Variants in COL4A4 observed in about 807,000 individuals in gnomAD.
The protein encoded by COL4A4 is collagen alpha-4(IV) chain.
COL4A4 carries 105 observed loss-of-function variants against 192.9 expected under a neutral mutation model. That is an observed-to-expected ratio of 0.54 (90% CI 0.46 to 0.64). The LOEUF is 0.64. Ranked by LOEUF, COL4A4 falls within the 30% of genes least tolerant of loss-of-function variation. The pLI is 0.00. For missense variants in COL4A4, 1,967 were observed against 2,169.3 expected, an observed-to-expected ratio of 0.91 and a Z score of 1.85; for synonymous variants, 762 against 769.9, an observed-to-expected ratio of 0.99 and a Z score of 0.17.
rs1335987800 is a variant in COL4A4 at position 227,098,794 on chromosome 2, T to C, written c.1104A>G (p.Pro368=). 1 of 1,613,052 alleles carries C rather than the reference T, an allele frequency of 6.2e-7. No homozygotes were observed. The highest frequency in any genetic ancestry group is 1.7e-5 in the Admixed American group (1 of 60,002). ...GGCCAGGGAACCCTGGGTCCCCTGG[T>C]GGGCCTGCCAAAGATAATGGTACAT... ...LVTPPLPLKG[P]PGDPGFPGRY... Residue 368 remains proline, a synonymous_variant, in exon 19 of 48, where the codon CCA becomes CCG. Coordinates refer to ENST00000396625, the MANE Select transcript of COL4A4 (RefSeq NM_000092.5).
chr2:227,113,101 A>G (rs1379691868), intron 8 of COL4A4, among the ~76,000 whole-genome samples: 1 of 152,212 alleles, frequency 6.6e-6, no homozygotes, highest in Non-Finnish European at 1.5e-5. Context: ...TGGATCATAT[A>G]GTAATTCTAT....
At chr2:227,067,845 G>C (rs1019049303) in intron 25 of COL4A4, among the ~76,000 whole-genome samples, 8 of 148,740 alleles carry the variant, frequency 5.4e-5, no homozygotes, top group African/African-American at 1.7e-4. Flanking sequence ...AAAGCTAGCA[G>C]AAGGCAAGAA....
At chr2:227,102,362 G>T (rs756512459) in intron 15 of COL4A4, among the ~76,000 whole-genome samples, 1 of 152,174 alleles carries the variant, frequency 6.6e-6, no homozygotes, top group Admixed American at 6.5e-5. Context: ...TGCCAGCTGC[G>T]GTCTGGCCTC....
intron 22 of COL4A4, among the ~76,000 whole-genome samples, chr2:227,088,101 G>A (rs527963388): frequency 1.1e-3 from 174 of 152,330 alleles, no homozygotes; most frequent in Non-Finnish European, 2.3e-3. Context: ...CCAATTAGTT[G>A]AATAAGTAAA....
At chr2:227,086,324 C>T (rs1272252202) in intron 22 of COL4A4, among the ~76,000 whole-genome samples, 8 of 152,136 alleles carry the variant, frequency 5.3e-5, no homozygotes, top group Admixed American at 3.9e-4. Flanking sequence ...CCCCCAAGAG[C>T]GAGAGCACCC....
chr2:227,001,512 G>A (rs909704703), downstream of COL4A4, among the ~76,000 whole-genome samples: 9 of 152,210 alleles, frequency 5.9e-5, no homozygotes, highest in African/African-American at 1.9e-4. Context: ...GGGCTTTGCA[G>A]TGACAGGAGC....
At chr2:227,108,966 C>T (rs1280328898) in intron 10 of COL4A4, 98 bp from the exon 11 acceptor site, 13 of 1,227,218 alleles carry the variant, frequency 1.1e-5, no homozygotes, top group East Asian at 2.3e-5. Flanking sequence ...ATTTAGGAAA[C>T]CCTTAATTTT....
the COL4A4 span, among the ~76,000 whole-genome samples, chr2:226,993,430 CTT>C: frequency 6.6e-6 from 1 of 152,144 alleles, no homozygotes; most frequent in Non-Finnish European, 1.5e-5. Context: ...TAAGACCAGT[CTT>C]TTTAAAAACA....
intron 37 of COL4A4, among the ~76,000 whole-genome samples, chr2:227,034,780 T>C (rs1041692647): frequency 2.3e-5 from 3 of 133,134 alleles, no homozygotes; most frequent in African/African-American, 8.5e-5. Context: ...TGTGTTCTCA[T>C]TGTTCAATTC....
chr2:227,122,870 A>AT (rs1388580918), intron 4 of COL4A4, among the ~76,000 whole-genome samples: 11 of 150,928 alleles, frequency 7.3e-5, no homozygotes, highest in African/African-American at 2.7e-4. Context: ...ATTTATTATT[A>AT]TTATTTTTTT....
At chr2:227,051,726 G>T (rs1974146645) in intron 32 of COL4A4, among the ~76,000 whole-genome samples, 1 of 152,100 alleles carries the variant, frequency 6.6e-6, no homozygotes, top group South Asian at 2.1e-4. Context: ...CAGTCATTGC[G>T]CTATTCACTT....
intron 47 of COL4A4, 32 bp downstream of exon 47, chr2:227,007,986 T>C (rs774839933): frequency 3.1e-5 from 49 of 1,602,830 alleles, no homozygotes; most frequent in Non-Finnish European, 4.1e-5. Flanking sequence ...AAATGGTGAA[T>C]GAGCCAGGGT....
the COL4A4 span, among the ~76,000 whole-genome samples, chr2:226,979,102 A>T: frequency 6.6e-6 from 1 of 152,142 alleles, no homozygotes; most frequent in African/African-American, 2.4e-5. Context: ...GCTCATTCCC[A>T]GTCCAAAAGC....
chr2:226,992,413 G>A, the COL4A4 span, among the ~76,000 whole-genome samples: 1 of 152,242 alleles, frequency 6.6e-6, no homozygotes, highest in African/African-American at 2.4e-5. Flanking sequence ...ATTCTTCAGA[G>A]AGTAAGATGG....
intron 2 of COL4A4, among the ~76,000 whole-genome samples, chr2:227,144,836 G>A (rs562975832): frequency 1.3e-5 from 2 of 152,206 alleles, no homozygotes; most frequent in Admixed American, 6.5e-5. Context: ...AGTGAGACCT[G>A]GAGGGACAGA....
At chr2:227,125,732 T>C (rs1281862376) in intron 4 of COL4A4, among the ~76,000 whole-genome samples, 1 of 152,110 alleles carries the variant, frequency 6.6e-6, no homozygotes, top group Non-Finnish European at 1.5e-5. Context: ...CTGATTCATC[T>C]CTCAAGGCTG....
intron 8 of COL4A4, among the ~76,000 whole-genome samples, chr2:227,113,640 TG>T (rs1259581592): frequency 1.3e-5 from 2 of 152,216 alleles, no homozygotes; most frequent in African/African-American, 4.8e-5. Flanking sequence ...TACACCATCC[TG>T]GTTCCTAGAA....
In COL4A4 at chr2:227,088,009, G is replaced by A. The variant is rs184293356; in HGVS notation, c.1623+644C>T. On this transcript the variant is annotated intron_variant, in intron 22 of 47. Transcript: ENST00000396625. ...GTCTGTGTCCTCTCTGAAGCTCTAG[G>A]AGGGCAGAGACTGGGCTCTGGTCCC... is the stretch of plus-strand genomic sequence containing the variant. 5.3e-5 allele frequency among the ~76,000 whole-genome samples: 8 copies of A among 152,294 alleles called. No homozygotes were observed. In the East Asian group the frequency reaches 1.5e-3, roughly 29 times the overall value.
At chr2:227,025,319 T>G (rs1966784939) in intron 43 of COL4A4, among the ~76,000 whole-genome samples, 1 of 152,242 alleles carries the variant, frequency 6.6e-6, no homozygotes, top group South Asian at 2.1e-4. Context: ...GTGAACATTT[T>G]CCTTTTAACA....
Sources: gnomAD v4.1 joint callset for allele counts (sites outside exome capture counted in the v4.1 genomes callset) on GRCh38, gnomAD v4.1.1 for gene constraint, MANE v1.5 for transcripts, NCBI Gene and HGNC (gene_info 2026-07-23, HGNC 2026-07-21) for gene names.